Variants in CLINT1 observed in about 807,000 individuals in gnomAD.
The protein encoded by CLINT1 is clathrin interactor 1, also known as clathrin interacting protein localized in the trans-Golgi region.
CLINT1 carries 15 observed loss-of-function variants against 70.4 expected under a neutral mutation model. The observed-to-expected ratio is 0.21, with a 90% CI of 0.14 to 0.33. CLINT1 has a LOEUF of 0.33. CLINT1 is among the 10% of genes least tolerant of loss of function. The pLI is 1.00. For missense variants in CLINT1, 615 were observed against 778.1 expected (o/e 0.79, Z 2.49); for synonymous variants, 227 against 254.7 (o/e 0.89, Z 1.04).
At chr5:157,816,670 C>T in intron 3 of CLINT1, 64 bp downstream of exon 3, 1 of 1,121,118 alleles carries the variant, frequency 8.9e-7, no homozygotes. Context: ...TATGTATATA[C>T]ACCTTCAATT....
chr5:157,844,576 C>G (rs112641350), intron 1 of CLINT1, among the ~76,000 whole-genome samples: 1 of 152,276 alleles, frequency 6.6e-6, no homozygotes, highest in Non-Finnish European at 1.5e-5. Context: ...TACTGTATAA[C>G]GTCTAGATGT....
chr5:157,794,807 G>T, intron 9 of CLINT1, 91 bp downstream of exon 9: 1 of 906,308 alleles, frequency 1.1e-6, no homozygotes, highest in African/African-American at 1.7e-5. Flanking sequence ...GGAGAAAAAT[G>T]ACAGAAAGAA....
At chr5:157,790,783 C>A (rs1761877456) in intron 10 of CLINT1, 1 of 307,472 alleles carries the variant, frequency 3.3e-6, no homozygotes, top group Non-Finnish European at 6.4e-6. Flanking sequence ...TAAGCTAGTA[C>A]TAGGTAATTC....
chr5:157,839,688 A>G (rs1451846704), intron 1 of CLINT1, among the ~76,000 whole-genome samples: 1 of 152,066 alleles, frequency 6.6e-6, no homozygotes, highest in Non-Finnish European at 1.5e-5. Flanking sequence ...CTGCATATCA[A>G]GAAGTTCTAG....
chr5:157,787,045 TGGA>T lies in CLINT1; in HGVS notation c.*598_*600del, dbSNP rs940887231. 1.3e-5 allele frequency: 2 copies of T among 152,686 alleles called. No homozygotes were observed. The highest frequency in any genetic ancestry group is 2.9e-5 in the Non-Finnish European group (2 of 68,088). The allele number at this position is 152,686 out of a possible 1,614,324, so 9.5% of individuals were successfully genotyped here. ...AAGAGGTTTTGTTACAATAAAAATTTGGATAGTATAATAGCAGTGTTGCTGGAA... is the reference window on the plus strand; with the variant it reads ...AAGAGGTTTTGTTACAATAAAAATTTTAGTATAATAGCAGTGTTGCTGGAA... On this transcript the variant is annotated 3_prime_UTR_variant, in exon 12 of 12. Transcript: ENST00000411809.
chr5:157,827,554 C>T (rs1187603802), intron 1 of CLINT1, among the ~76,000 whole-genome samples: 1 of 152,184 alleles, frequency 6.6e-6, no homozygotes, highest in Non-Finnish European at 1.5e-5. Flanking sequence ...CGCTATTAAA[C>T]ATGACTTAAA....
intron 1 of CLINT1, among the ~76,000 whole-genome samples, chr5:157,835,107 A>C (rs1023550977): frequency 1.1e-4 from 17 of 152,106 alleles, no homozygotes; most frequent in African/African-American, 3.9e-4. Context: ...TCCTTTCTAT[A>C]ATCTATTTGG....
At chr5:157,813,798 C>T (rs1274168127) in intron 4 of CLINT1, among the ~76,000 whole-genome samples, 1 of 152,178 alleles carries the variant, frequency 6.6e-6, no homozygotes, top group East Asian at 1.9e-4. Flanking sequence ...GGCCTTGCTG[C>T]CTTTGCACAG....
chr5:157,825,132 C>T (rs1762996848), intron 1 of CLINT1, among the ~76,000 whole-genome samples: 1 of 152,060 alleles, frequency 6.6e-6, no homozygotes. Flanking sequence ...ACCCATTCTG[C>T]AATAACAAGA....
chr5:157,813,421 TTTGGC>T (rs1225672437), intron 4 of CLINT1, among the ~76,000 whole-genome samples, 194 bp from the exon 5 acceptor site: 1 of 152,154 alleles, frequency 6.6e-6, no homozygotes, highest in Admixed American at 6.5e-5. Flanking sequence ...AAAATGGAAT[TTTGGC>T]TTATAAGAGC....
chr5:157,830,757 C>CACT (rs1561662736), intron 1 of CLINT1, among the ~76,000 whole-genome samples: 1 of 87,408 alleles, frequency 1.1e-5, no homozygotes, highest in African/African-American at 4.7e-5. Context: ...CCTCTCTCTC[C>CACT]CTCTCTCTCT....
intron 11 of CLINT1, among the ~76,000 whole-genome samples, chr5:157,788,699 G>A (rs1761802158): frequency 6.6e-6 from 1 of 152,158 alleles, no homozygotes; most frequent in African/African-American, 2.4e-5. Flanking sequence ...CAGGCGCGGT[G>A]CCCCACGCCT....
chr5:157,799,922 A>G (rs1762163648), intron 8 of CLINT1, among the ~76,000 whole-genome samples: 1 of 152,146 alleles, frequency 6.6e-6, no homozygotes, highest in Admixed American at 6.5e-5. Flanking sequence ...TAAACATAAG[A>G]AAGGTACGGT....
At chr5:157,789,691 T>C (rs1487187413) in intron 10 of CLINT1, 178 bp from the exon 11 acceptor site, 48 of 750,748 alleles carry the variant, frequency 6.4e-5, no homozygotes, top group Non-Finnish European at 9.2e-5. Context: ...TGCTAATGTC[T>C]TCAATACCCT....
At position 157,794,896 on chromosome 5, in the gene CLINT1, AC is replaced by A; in HGVS notation, c.1087+1del. 1 of 1,556,234 alleles carries A rather than the reference AC, an allele frequency of 6.4e-7. No individual in the cohort carries two copies. ...CTTCTGGCCAATCAAATTGAATCAT[AC>A]CTTGGGAAGGGAAACTGCCTGATGC... On this transcript the variant is annotated splice_donor_variant, in intron 9 of 11. Transcript: ENST00000411809. LOFTEE classifies it high-confidence loss of function.
intron 3 of CLINT1, among the ~76,000 whole-genome samples, chr5:157,816,513 TAATC>T (rs1012873552): frequency 2.0e-5 from 3 of 152,158 alleles, no homozygotes; most frequent in Admixed American, 6.5e-5. Context: ...TTTTAAGAAA[TAATC>T]AACATTTAGA....
At chr5:157,832,781 T>C (rs1239129429) in intron 1 of CLINT1, among the ~76,000 whole-genome samples, 4 of 152,182 alleles carry the variant, frequency 2.6e-5, no homozygotes, top group Admixed American at 6.5e-5. Flanking sequence ...TCCCACTGAA[T>C]ATCCAATCTA....
intron 1 of CLINT1, among the ~76,000 whole-genome samples, chr5:157,856,378 G>C (rs1450381673): frequency 1.3e-5 from 2 of 152,174 alleles, no homozygotes; most frequent in African/African-American, 4.8e-5. Context: ...CATACATACA[G>C]CTAATTAAAA....
At chr5:157,850,402 T>G (rs1028514817) in intron 1 of CLINT1, among the ~76,000 whole-genome samples, 23 of 152,044 alleles carry the variant, frequency 1.5e-4, no homozygotes, top group African/African-American at 5.1e-4. Context: ...GCGGATTGCC[T>G]GAGCTCAAGA....
Sources: allele counts gnomAD v4.1 joint callset (sites outside exome capture counted in the v4.1 genomes callset), GRCh38; gene constraint gnomAD v4.1.1; transcripts MANE v1.5; gene names NCBI Gene and HGNC (gene_info 2026-07-23, HGNC 2026-07-21).